SRGAP1: variants seen among roughly 807,000 people sequenced by gnomAD.
SRGAP1 encodes SLIT-ROBO Rho GTPase activating protein 1.
In SRGAP1, 43 loss-of-function variants were observed where a neutral mutation model predicts 121.9. The ratio of observed to expected loss-of-function variants is 0.35; its 90% CI spans 0.28 to 0.46. The LOEUF is 0.46. Ranked by LOEUF, SRGAP1 falls within the 20% of genes least tolerant of loss-of-function variation. The pLI is 1.00. For synonymous variants in SRGAP1, 447 were observed against 485.4 expected (o/e 0.92, Z 1.04); for missense variants, 1,102 against 1,350.9 (o/e 0.82, Z 2.89).
At chr12:63,987,538 C>T (rs1190248552) in intron 2 of SRGAP1, among the ~76,000 whole-genome samples, 1 of 152,024 alleles carries the variant, frequency 6.6e-6, no homozygotes, top group Non-Finnish European at 1.5e-5. Context: ...GCCTGACCAA[C>T]ATAGTGAAAC....
intron 6 of SRGAP1, among the ~76,000 whole-genome samples, chr12:64,056,561 AAAAAAAG>A (rs1159653568): frequency 1.3e-5 from 2 of 151,728 alleles, no homozygotes; most frequent in African/African-American, 4.8e-5. Flanking sequence ...AAAAAAAAAA[AAAAAAAG>A]AGAGAAAGAA....
chr12:63,847,792 C>T (rs375262232), intron 1 of SRGAP1, among the ~76,000 whole-genome samples: 7 of 151,896 alleles, frequency 4.6e-5, no homozygotes, highest in African/African-American at 1.5e-4. Flanking sequence ...CTATAGGTGA[C>T]TTAGGTGTGT....
chr12:64,128,031 A>G lies in SRGAP1; in HGVS notation c.2711A>G (p.Asn904Ser), dbSNP rs141781314. The G allele has an allele frequency of 1.0e-4, 164 of 1,614,126 alleles. 3 individuals carry two copies. In the South Asian group the frequency reaches 1.6e-3, roughly 16 times the overall value. The change falls in exon 21 of 22, where the codon AAT (asparagine) becomes AGT (serine). Residue 904 changes from asparagine (N) to serine (S), a missense_variant. By Grantham distance (46) the Asn-to-Ser change is conservative. Around this residue, in one of 3 missense-constraint regions of SRGAP1, gnomAD observed 315 missense variants for 343.1 expected, o/e 0.92. Coordinates refer to ENST00000355086, the MANE Select transcript of SRGAP1 (RefSeq NM_020762.4). ...RGLLQNRGLN[N>S]DSPERRRRPG... ...CTGCTGCAGAACCGTGGCCTCAACAATGACAGTCCTGAGCGGAGGCGCAGG... is the reference window on the plus strand; with the variant it reads ...CTGCTGCAGAACCGTGGCCTCAACAGTGACAGTCCTGAGCGGAGGCGCAGG...
At chr12:64,090,997 G>A (rs947086601) in intron 11 of SRGAP1, among the ~76,000 whole-genome samples, 2 of 152,276 alleles carry the variant, frequency 1.3e-5, no homozygotes, top group African/African-American at 4.8e-5. Context: ...AATAGCTAAC[G>A]AGTCTACTTG....
chr12:63,983,813 TA>T lies in SRGAP1; in HGVS notation c.68-133del, dbSNP rs1565981610. On this transcript the variant is annotated intron_variant, in intron 1 of 21. Coordinates refer to ENST00000355086, the MANE Select transcript of SRGAP1 (RefSeq NM_020762.4). ...TACATTTAAAATATATATATATATA[TA>T]TATATATATATATATATATATATAT... 61 of 32,650 alleles carry T rather than the reference TA, an allele frequency of 1.9e-3. 5 individuals are homozygous for T. Among genetic ancestry groups the T allele is most frequent in the African/African-American group, 4.9e-3 (54 of 11,016 alleles). 2.0% of individuals were successfully genotyped at this position (32,650 alleles called of 1,614,324 possible).
chr12:63,847,847 A>G (rs1484825628), intron 1 of SRGAP1, among the ~76,000 whole-genome samples: 2 of 151,682 alleles, frequency 1.3e-5, no homozygotes, highest in Non-Finnish European at 2.9e-5. Context: ...TTTTTTTTCT[A>G]CCTTCTAACT....
chr12:63,910,085 T>A (rs2030421823), intron 1 of SRGAP1, among the ~76,000 whole-genome samples: 1 of 152,172 alleles, frequency 6.6e-6, no homozygotes, highest in Non-Finnish European at 1.5e-5. Context: ...AGGATCAGAG[T>A]GTAAATTTCT....
intron 8 of SRGAP1, among the ~76,000 whole-genome samples, chr12:64,076,275 T>C (rs1387714797): frequency 1.3e-5 from 2 of 151,958 alleles, no homozygotes; most frequent in African/African-American, 4.8e-5. Context: ...TAATAGACAA[T>C]AGAGACACAC....
rs529626021 is a variant in SRGAP1 at position 63,900,869 on chromosome 12, T to TA, written c.67+55993dup. Among the ~76,000 whole-genome samples, 6 of 152,088 alleles carry TA rather than the reference T, an allele frequency of 3.9e-5. No homozygotes were observed. The East Asian group carries it at 1.2e-3, about 29-fold the overall frequency. On this transcript the variant is annotated intron_variant, in intron 1 of 21. Coordinates refer to ENST00000355086, the MANE Select transcript of SRGAP1 (RefSeq NM_020762.4). ...AGGGTTTTGTACTATCAAACCTAAG[T>TA]AAAAAAACAATGTATGCTAAAGAAA...
chr12:63,847,034 G>A (rs552050903), intron 1 of SRGAP1, among the ~76,000 whole-genome samples: 1 of 152,202 alleles, frequency 6.6e-6, no homozygotes, highest in African/African-American at 2.4e-5. Context: ...TTATTTACAG[G>A]TATGTGTTTT....
intron 7 of SRGAP1, among the ~76,000 whole-genome samples, chr12:64,064,243 G>A (rs892544099): frequency 6.6e-6 from 1 of 152,042 alleles, no homozygotes; most frequent in African/African-American, 2.4e-5. Flanking sequence ...AAGGAGCAGT[G>A]GTAATCTCTC....
chr12:63,887,812 T>G (rs915867375), intron 1 of SRGAP1: 1 of 152,304 alleles, frequency 6.6e-6, no homozygotes, highest in African/African-American at 2.4e-5. Flanking sequence ...TCGAAGGTCT[T>G]CAGCTCTTCA....
At chr12:64,051,642 G>C (rs2035241280) in intron 6 of SRGAP1, among the ~76,000 whole-genome samples, 1 of 152,124 alleles carries the variant, frequency 6.6e-6, no homozygotes. Flanking sequence ...AGACAAGTTT[G>C]TCTTTTCTAT....
chr12:63,876,133 C>A lies in SRGAP1; in HGVS notation c.67+31250C>A, dbSNP rs138687844. 6.8e-3 allele frequency among the ~76,000 whole-genome samples: 1,033 copies of A among 152,118 alleles called. 4 individuals are homozygous for A. The highest frequency in any genetic ancestry group is 0.026 in the South Asian group (123 of 4,822). ...GAGATCTTAGTTTTCTAGAGTTAAA[C>A]TGAAAAGATTGAAGAAATGGTAAGT... On this transcript the variant is annotated intron_variant, in intron 1 of 21. Transcript: ENST00000355086.
chr12:64,078,858 T>C (rs972170080), intron 8 of SRGAP1, 61 bp from the exon 9 acceptor site: 119 of 1,539,374 alleles, frequency 7.7e-5, no homozygotes, highest in Non-Finnish European at 1.0e-4. Flanking sequence ...GAGTGGACTC[T>C]CCCTGTTTGT....
intron 21 of SRGAP1, among the ~76,000 whole-genome samples, chr12:64,131,106 G>A (rs1317763511): frequency 6.6e-6 from 1 of 152,144 alleles, no homozygotes; most frequent in Admixed American, 6.5e-5. Flanking sequence ...TTTGTTCATG[G>A]GCCCATTGAG....
chr12:64,124,476 A>G (rs959860684), intron 18 of SRGAP1, among the ~76,000 whole-genome samples: 2 of 152,232 alleles, frequency 1.3e-5, no homozygotes, highest in Non-Finnish European at 2.9e-5. Flanking sequence ...TGTATTGTTC[A>G]TTGCATAGGC....
chr12:64,131,714 T>G (rs1312712826), intron 21 of SRGAP1, among the ~76,000 whole-genome samples: 1 of 152,160 alleles, frequency 6.6e-6, no homozygotes, highest in Non-Finnish European at 1.5e-5. Context: ...ATATACCACT[T>G]CCATTTGATG....
chr12:64,023,272 C>T (rs1260744260), intron 4 of SRGAP1, among the ~76,000 whole-genome samples: 2 of 119,788 alleles, frequency 1.7e-5, no homozygotes, highest in African/African-American at 6.5e-5. Flanking sequence ...TAAATGTTAA[C>T]AGGGCTGTGA....
Sources: allele counts gnomAD v4.1 joint callset (sites outside exome capture counted in the v4.1 genomes callset), GRCh38; gene constraint gnomAD v4.1.1; regional missense constraint gnomAD v4.1.1; transcripts MANE v1.5; gene names NCBI Gene and HGNC (gene_info 2026-07-23, HGNC 2026-07-21).